CFAP43: variants seen among roughly 807,000 people sequenced by gnomAD.
CFAP43 encodes the protein cilia- and flagella-associated protein 43.
Under a neutral mutation model 218.9 loss-of-function variants are expected in CFAP43, and 155 were observed. That is an observed-to-expected ratio of 0.71 (90% CI 0.62 to 0.81). The LOEUF (loss-of-function observed/expected upper bound fraction) is 0.81. Ranked by LOEUF, CFAP43 falls within the 30% of genes least tolerant of loss-of-function variation. The pLI, the probability that CFAP43 is intolerant of heterozygous loss-of-function variation, is 0.00. For missense variants in CFAP43, 1,778 were observed against 1,954.3 expected (o/e 0.91, Z 1.70); for synonymous variants, 645 against 681.3 (o/e 0.95, Z 0.83).
At chr10:104,196,099 C>A (rs1193250658) in intron 10 of CFAP43, among the ~76,000 whole-genome samples, 2 of 152,138 alleles carry the variant, frequency 1.3e-5, no homozygotes, top group African/African-American at 4.8e-5. Context: ...CCCTCTCTGA[C>A]AGTATGATGT....
chr10:104,133,836 A>G, intron 34 of CFAP43, 52 bp from the exon 35 acceptor site: 1 of 1,441,168 alleles, frequency 6.9e-7, no homozygotes, highest in Non-Finnish European at 9.4e-7. Flanking sequence ...CATATAGAAC[A>G]TAGAATATTT....
intron 19 of CFAP43, among the ~76,000 whole-genome samples, chr10:104,174,941 G>C (rs2089559911): frequency 6.6e-6 from 1 of 151,918 alleles, no homozygotes; most frequent in Admixed American, 6.6e-5. Flanking sequence ...TGTAGTCCCA[G>C]CTACTCGGGA....
chr10:104,205,212 C>CAAAAAAAAAAAAAAAA (rs71022723), intron 7 of CFAP43, among the ~76,000 whole-genome samples: 46 of 56,330 alleles, frequency 8.2e-4, no homozygotes, highest in Non-Finnish European at 1.1e-3. Context: ...GACTCCGTCT[C>CAAAAAAAAAAAAAAAA]AAAAAAAAAA....
chr10:104,138,680 G>GA (rs78901676), intron 34 of CFAP43, among the ~76,000 whole-genome samples: 112 of 105,552 alleles, frequency 1.1e-3, no homozygotes, highest in Middle Eastern at 5.3e-3. Context: ...AGTCTAAAAA[G>GA]AAAAAAAAAA....
rs550312817 is a variant in CFAP43, at chr10:104,132,206, T to TA, written c.4597-11dup. 5.5e-4 allele frequency: 848 copies of TA among 1,535,798 alleles called. No homozygotes were observed. Among genetic ancestry groups the TA allele is most frequent in the Admixed American group, 1.1e-3 (55 of 51,506 alleles). On this transcript the variant is annotated splice_polypyrimidine_tract_variant and intron_variant, in intron 35 of 37. Transcript: ENST00000357060. ...TTGGTTCATTTAGGTACTTTGAGAT[T>TA]AAAAAAAAACATGTAAGGATATTTT...
intron 27 of CFAP43, among the ~76,000 whole-genome samples, chr10:104,154,256 ATAGTT>A (rs764635797): frequency 6.6e-6 from 1 of 152,210 alleles, no homozygotes; most frequent in Non-Finnish European, 1.5e-5. Context: ...ATGGTAATAA[ATAGTT>A]TAAATATACA....
intron 27 of CFAP43, among the ~76,000 whole-genome samples, chr10:104,159,130 C>A (rs1361154986): frequency 2.0e-5 from 3 of 151,802 alleles, no homozygotes; most frequent in Non-Finnish European, 4.4e-5. Flanking sequence ...ACTGTTCTCT[C>A]TATTTTTATA....
At chr10:104,160,834 C>A (rs530914326) in intron 27 of CFAP43, among the ~76,000 whole-genome samples, 1 of 152,138 alleles carries the variant, frequency 6.6e-6, no homozygotes, top group African/African-American at 2.4e-5. Context: ...TTTAAAAAAA[C>A]TATTGCTGTA....
At position 104,232,305 on chromosome 10, in the gene CFAP43, G is replaced by C. The variant is rs2091473249; in HGVS notation, c.-59C>G. The C allele has an allele frequency of 8.8e-6, 13 of 1,481,522 alleles. No individual in the cohort carries two copies. Among genetic ancestry groups the C allele is most frequent in the Non-Finnish European group, 1.2e-5 (13 of 1,116,500 alleles). 91.8% of individuals were successfully genotyped at this position (1,481,522 alleles called of 1,614,324 possible). A position where few individuals can be genotyped will look rare whatever the true frequency, so the allele number is the denominator to read the frequency against. The stretch of plus-strand genomic sequence containing the variant: ...GCACGCAGCACCCCAGGGCGGGTCG[G>C]TTACCTTTCCGCCGCCGCGGGGCTG... On this transcript the variant is annotated 5_prime_UTR_variant, in exon 1 of 38. Transcript: ENST00000357060.
chr10:104,207,278 G>A (rs2090722665), intron 6 of CFAP43, among the ~76,000 whole-genome samples: 1 of 152,072 alleles, frequency 6.6e-6, no homozygotes, highest in South Asian at 2.1e-4. Flanking sequence ...GGGTTGGGGT[G>A]GGGGCAGGAA....
chr10:104,217,523 C>A lies in CFAP43; in HGVS notation c.417-3097G>T, dbSNP rs1017650319. Among the ~76,000 whole-genome samples the A allele has an allele frequency of 1.8e-4, 27 of 152,148 alleles. 1 individual carries two copies. The highest frequency in any genetic ancestry group is 6.5e-4 in the African/African-American group (27 of 41,428). On this transcript the variant is annotated intron_variant, in intron 3 of 37. Transcript: ENST00000357060. ...ACAGCACTCGCATGCTACATAGGAC[C>A]CACTCCGGCACCCATGTCTTTGCTA...
At chr10:104,159,540 AC>A (rs2088763107) in intron 27 of CFAP43, among the ~76,000 whole-genome samples, 1 of 152,164 alleles carries the variant, frequency 6.6e-6, no homozygotes. Flanking sequence ...TGACTAGTGC[AC>A]CAGGAGAGGA....
intron 17 of CFAP43, among the ~76,000 whole-genome samples, chr10:104,181,098 G>A (rs2089826507): frequency 6.6e-6 from 1 of 152,098 alleles, no homozygotes; most frequent in Admixed American, 6.5e-5. Flanking sequence ...CAGGCTTCTC[G>A]AGCTTAATGT....
chr10:104,147,241 T>C (rs2088019641), intron 29 of CFAP43, among the ~76,000 whole-genome samples: 1 of 151,162 alleles, frequency 6.6e-6, no homozygotes, highest in Non-Finnish European at 1.5e-5. Context: ...ATATGTAAAG[T>C]TGTATTTAGA....
At chr10:104,209,723 T>G (rs1459656622) in intron 5 of CFAP43, among the ~76,000 whole-genome samples, 1 of 152,194 alleles carries the variant, frequency 6.6e-6, no homozygotes, top group African/African-American at 2.4e-5. Flanking sequence ...CACCAAATAC[T>G]AAACATAGAA....
chr10:104,175,019 C>A (rs1325542239), intron 19 of CFAP43, among the ~76,000 whole-genome samples: 1 of 151,868 alleles, frequency 6.6e-6, no homozygotes, highest in Non-Finnish European at 1.5e-5. Context: ...CATGCCAATG[C>A]ACTCCAGCCT....
chr10:104,190,581 A>C (rs1178460760), intron 12 of CFAP43, among the ~76,000 whole-genome samples: 1 of 152,244 alleles, frequency 6.6e-6, no homozygotes, highest in African/African-American at 2.4e-5. Flanking sequence ...AAATATGCCC[A>C]AATGAAGAGT....
chr10:104,211,818 A>T (rs1219906090), intron 5 of CFAP43, among the ~76,000 whole-genome samples, 189 bp downstream of exon 5: 2 of 152,146 alleles, frequency 1.3e-5, no homozygotes, highest in Non-Finnish European at 2.9e-5. Flanking sequence ...TGCCGTCATC[A>T]TCCCAGTCAT....
At chr10:104,210,830 G>A (rs910581927) in intron 5 of CFAP43, among the ~76,000 whole-genome samples, 26 of 113,936 alleles carry the variant, frequency 2.3e-4, no homozygotes, top group African/African-American at 8.0e-4. Context: ...TCGCTCTGTC[G>A]CCCAGGCTGG....
Sources: allele counts gnomAD v4.1 joint callset (sites outside exome capture counted in the v4.1 genomes callset), GRCh38; gene constraint gnomAD v4.1.1; transcripts MANE v1.5; gene names NCBI Gene and HGNC (gene_info 2026-07-23, HGNC 2026-07-21).